Variants in C1orf159 observed in about 807,000 individuals in gnomAD.
C1orf159 encodes the protein chromosome 1 open reading frame 159.
C1orf159 carries 19 observed loss-of-function variants against 25.6 expected under a neutral mutation model. The ratio of observed to expected loss-of-function variants is 0.74; its 90% confidence interval spans 0.52 to 1.09. The LOEUF (loss-of-function observed/expected upper bound fraction) is 1.09. Among genes scored for constraint, C1orf159 ranks in the 50% least tolerant of loss-of-function variants. The probability of loss-of-function intolerance (pLI) is 0.00; values close to 1 mark genes in which losing one functional copy is unlikely to be tolerated. For synonymous variants in C1orf159, 139 were observed against 124.7 expected (o/e 1.12, Z -0.77); for missense variants, 274 against 290.6 (o/e 0.94, Z 0.42).
At chr1:1,086,922 G>A (rs994726080) in intron 6 of C1orf159, among the ~76,000 whole-genome samples, 1 of 152,150 alleles carries the variant, frequency 6.6e-6, no homozygotes, top group Non-Finnish European at 1.5e-5. Flanking sequence ...CCCTAACTAC[G>A]GCCCTTTAGA....
chr1:1,111,180 T>G lies in C1orf159; in HGVS notation c.-136+4880A>C, dbSNP rs994420042. Among the ~76,000 whole-genome samples, 3 of 152,300 alleles carry G rather than the reference T, an allele frequency of 2.0e-5. No individual in the cohort carries two copies. In the East Asian group the frequency reaches 5.8e-4, roughly 29 times the overall value. On this transcript the variant is annotated intron_variant, in intron 1 of 9. Coordinates refer to ENST00000421241, the MANE Select transcript of C1orf159 (RefSeq NM_017891.5). ...TTCTACAAGGCAATGAAAAATTTAG[T>G]GAGAATTTAAATTGTGCTATACACT... is the stretch of plus-strand genomic sequence containing the variant.
chr1:1,104,734 G>T (rs909013303), intron 1 of C1orf159, among the ~76,000 whole-genome samples: 2 of 151,948 alleles, frequency 1.3e-5, no homozygotes, highest in Non-Finnish European at 2.9e-5. Context: ...GTTCGAAGCC[G>T]AAGTGCAGAC....
rs1303695655 is a variant in C1orf159, at chr1:1,089,816, A to G, written c.148+537T>C. On this transcript the variant is annotated intron_variant, in intron 4 of 9. Transcript: ENST00000421241. The surrounding 1 kb of genome is among the most constrained non-coding windows in gnomAD (Gnocchi z 7.5). Reference sequence around the variant, plus strand: ...CCACTGGCTGCCCTCACCAGCCTCAACCTCCTGACACCCAGCTGCCCCCAG... The same window carrying G: ...CCACTGGCTGCCCTCACCAGCCTCAGCCTCCTGACACCCAGCTGCCCCCAG... Among the ~76,000 whole-genome samples, 2 of 151,786 alleles carry G rather than the reference A, an allele frequency of 1.3e-5. No individual in the cohort carries two copies. The highest frequency in any genetic ancestry group is 2.9e-5 in the Non-Finnish European group (2 of 67,932).
In C1orf159 at chr1:1,085,861, G is replaced by C. The variant is rs750864252; in HGVS notation, c.445+17C>G. On this transcript the variant is annotated intron_variant, in intron 7 of 9. Transcript: ENST00000421241. ...CCCTGTGCCCTCCCGTGGGGCAGGT[G>C]CTGGTCCGGGAGATACCTTTGTTTC... 2 of 1,612,530 alleles carry C rather than the reference G, an allele frequency of 1.2e-6. No homozygotes were observed. The highest frequency in any genetic ancestry group is 2.2e-5 in the South Asian group (2 of 91,048).
In C1orf159 at chr1:1,089,632, C is replaced by T. The variant is rs933874294; in HGVS notation, c.148+721G>A. Among the ~76,000 whole-genome samples, 1 of 152,204 alleles carries T rather than the reference C, an allele frequency of 6.6e-6. No homozygotes were observed. Among genetic ancestry groups the T allele is most frequent in the Non-Finnish European group, 1.5e-5 (1 of 68,026 alleles). On this transcript the variant is annotated intron_variant, in intron 4 of 9. Transcript: ENST00000421241. The surrounding 1 kb of genome is among the most constrained non-coding windows in gnomAD (Gnocchi z 7.5). ...GGCCCCTGAGTCCCCAGGAGCAGCCCTTCTGGGTTCTTCCATCATGGGAGG... is the reference window on the plus strand; with the variant it reads ...GGCCCCTGAGTCCCCAGGAGCAGCCTTTCTGGGTTCTTCCATCATGGGAGG...
intron 3 of C1orf159, chr1:1,091,053 G>T: frequency 7.7e-7 from 1 of 1,306,766 alleles, no homozygotes; most frequent in Non-Finnish European, 1.1e-6. Context: ...ACACCGCCAG[G>T]GAGGGGCCCA....
chr1:1,087,485 G>T lies in C1orf159; in HGVS notation c.244+17C>A, dbSNP rs1439895745. Reference sequence around the variant, plus strand: ...GGAGCTGTGAGAAGGGAGCCGGGGGGAGCCGGGCAGACCTACAGCTTCTAC... The same window carrying T: ...GGAGCTGTGAGAAGGGAGCCGGGGGTAGCCGGGCAGACCTACAGCTTCTAC... On this transcript the variant is annotated intron_variant, in intron 5 of 9. Transcript: ENST00000421241. The surrounding 1 kb of genome is among the most constrained non-coding windows in gnomAD (Gnocchi z 8.3). 17 of 1,540,368 alleles carry T rather than the reference G, an allele frequency of 1.1e-5. No homozygotes were observed. Among genetic ancestry groups the T allele is most frequent in the Non-Finnish European group, 1.5e-5 (17 of 1,139,392 alleles).
intron 1 of C1orf159, among the ~76,000 whole-genome samples, chr1:1,115,606 C>A (rs1646326425): frequency 1.1e-5 from 1 of 90,352 alleles, no homozygotes; most frequent in African/African-American, 3.9e-5. Flanking sequence ...CCTTCCCCTC[C>A]CCAGGGACCC....
chr1:1,110,280 C>G lies in C1orf159; in HGVS notation c.-136+5780G>C, dbSNP rs762231841. Among the ~76,000 whole-genome samples the G allele has an allele frequency of 4.6e-5, 7 of 152,202 alleles. No individual in the cohort carries two copies. Among genetic ancestry groups the G allele is most frequent in the Non-Finnish European group, 1.0e-4 (7 of 68,044 alleles). ...GCCGGAAACTCAATTTTTAAGGTTTCTCTGGGGTCCCCTTGACCAAGAGGG... is the reference window on the plus strand; with the variant it reads ...GCCGGAAACTCAATTTTTAAGGTTTGTCTGGGGTCCCCTTGACCAAGAGGG... On this transcript the variant is annotated intron_variant, in intron 1 of 9. Coordinates refer to ENST00000421241, the MANE Select transcript of C1orf159 (RefSeq NM_017891.5). The surrounding 1 kb of genome is among the most constrained non-coding windows in gnomAD (Gnocchi z 4.8).
At chr1:1,090,794 C>T (rs1645917747) in intron 3 of C1orf159, 7 of 1,196,868 alleles carry the variant, frequency 5.8e-6, no homozygotes, top group African/African-American at 3.0e-5. Context: ...AGGAAGTGCC[C>T]GGGCCTGGCT....
intron 9 of C1orf159, 156 bp downstream of exon 9, chr1:1,084,197 C>T: frequency 6.6e-7 from 1 of 1,522,298 alleles, no homozygotes; most frequent in Non-Finnish European, 8.8e-7. Flanking sequence ...CAAATCCGGC[C>T]CTGGCCCTGC....
chr1:1,106,521 T>C (rs926446895), intron 1 of C1orf159: 5 of 152,184 alleles, frequency 3.3e-5, no homozygotes, highest in Non-Finnish European at 5.9e-5. Context: ...TTACTTGTGG[T>C]TCTACACCCT....
rs1372482010 is a variant in C1orf159 at position 1,110,343 on chromosome 1, T to G, written c.-136+5717A>C. ...CGGCGGGGGACTTAGGATTTTATTC[T>G]TAGTTTACAACATCAGTAATAAAAT... On this transcript the variant is annotated intron_variant, in intron 1 of 9. Coordinates refer to ENST00000421241, the MANE Select transcript of C1orf159 (RefSeq NM_017891.5). This position sits in a 1 kb window ranked among gnomAD's most constrained non-coding sequence, Gnocchi z 4.8. 6.6e-6 allele frequency among the ~76,000 whole-genome samples: 1 copy of G among 152,206 alleles called. No individual in the cohort carries two copies. The highest frequency in any genetic ancestry group is 2.4e-5 in the African/African-American group (1 of 41,440).
chr1:1,108,279 C>T (rs1350603715), intron 1 of C1orf159, among the ~76,000 whole-genome samples: 1 of 144,670 alleles, frequency 6.9e-6, no homozygotes, highest in Non-Finnish European at 1.5e-5. Context: ...GCACCGTCCA[C>T]CACAGCCACC....
chr1:1,084,358 G>C lies in C1orf159; in HGVS notation c.497C>G (p.Ser166Cys). The C allele has an allele frequency of 6.4e-7, 1 of 1,560,902 alleles. No homozygotes were observed. The highest frequency in any genetic ancestry group is 8.7e-7 in the Non-Finnish European group (1 of 1,152,350). ...GATGCGACAGCTGCTGTTACCTGAG[G>C]ACTGTGGCGGGGGGATCATTGCAGC... ...EAAAMIPPPQ[S>C]SVRKPRYVRR... Residue 166 changes from serine (S) to cysteine (C), a missense_variant, in exon 9 of 10, where the codon TCC becomes TGC. By Grantham distance (112) the Ser-to-Cys change is moderately radical. Coordinates refer to ENST00000421241, the MANE Select transcript of C1orf159 (RefSeq NM_017891.5).
In C1orf159 at chr1:1,087,119, T is replaced by C; in HGVS notation, c.310+20A>G. ...CCCCCAGGACACCGGCAGAGGTGGCTGTGGCCTGCTGAGACTTACCAGGAT... is the reference window on the plus strand; with the variant it reads ...CCCCCAGGACACCGGCAGAGGTGGCCGTGGCCTGCTGAGACTTACCAGGAT... On this transcript the variant is annotated intron_variant, in intron 6 of 9. Coordinates refer to ENST00000421241, the MANE Select transcript of C1orf159 (RefSeq NM_017891.5). The surrounding 1 kb of genome is among the most constrained non-coding windows in gnomAD (Gnocchi z 8.3). The C allele has an allele frequency of 6.2e-7, 1 of 1,603,044 alleles. No homozygotes were observed. Among genetic ancestry groups the C allele is most frequent in the Non-Finnish European group, 8.5e-7 (1 of 1,177,484 alleles).
chr1:1,110,607 G>A lies in C1orf159; in HGVS notation c.-136+5453C>T, dbSNP rs183895118. On this transcript the variant is annotated intron_variant, in intron 1 of 9. Transcript: ENST00000421241. This position sits in a 1 kb window ranked among gnomAD's most constrained non-coding sequence, Gnocchi z 4.8. ...ACGACCAAACGGCACTCAGCCTCTCGGCTGTGGGGACACACAGAACCGCTG... is the reference window on the plus strand; with the variant it reads ...ACGACCAAACGGCACTCAGCCTCTCAGCTGTGGGGACACACAGAACCGCTG... Among the ~76,000 whole-genome samples the A allele has an allele frequency of 6.6e-6, 1 of 151,368 alleles. No individual in the cohort carries two copies. Among genetic ancestry groups the A allele is most frequent in the South Asian group, 2.1e-4 (1 of 4,824 alleles).
Position 1,082,909 on chromosome 1 carries a change from C to T in C1orf159, c.581G>A (p.Arg194His), listed in dbSNP as rs780106133. 1.7e-5 allele frequency: 27 copies of T among 1,595,094 alleles called. No individual in the cohort carries two copies. The highest frequency in any genetic ancestry group is 2.0e-5 in the Non-Finnish European group (23 of 1,171,432). ...TDPAAFPGEA[R>H]ISNV ...GCCTCCAGGTCAGACATTGCTGATA[C>T]GGGCCTCCCCCGGGAAGGCAGCGGG... The change falls in exon 10 of 10, where the codon CGT becomes CAT. Residue 194 changes from arginine (R) to histidine (H), a missense_variant. Physicochemically the swap from Arg to His is conservative, Grantham distance 29. Coordinates refer to ENST00000421241, the MANE Select transcript of C1orf159 (RefSeq NM_017891.5).
At chr1:1,102,556 G>A (rs1646115724) in intron 1 of C1orf159, among the ~76,000 whole-genome samples, 1 of 142,764 alleles carries the variant, frequency 7.0e-6, no homozygotes, top group Non-Finnish European at 1.5e-5. Context: ...GAGGTAGGTG[G>A]ATCACCTGAG....
Sources: gnomAD v4.1 joint callset for allele counts (sites outside exome capture counted in the v4.1 genomes callset) on GRCh38, gnomAD v4.1.1 for gene constraint, Gnocchi (gnomAD v3.1) non-coding constraint, MANE v1.5 for transcripts, NCBI Gene and HGNC (gene_info 2026-07-23, HGNC 2026-07-21) for gene names.